The following LATS1 variants were observed in gnomAD, a reference collection of about 807,000 sequenced individuals.
LATS1 encodes large tumor suppressor kinase 1.
Under a neutral mutation model 106.6 loss-of-function variants are expected in LATS1, and 25 were observed. The ratio of observed to expected loss-of-function variants is 0.23; its 90% CI spans 0.17 to 0.33. The LOEUF is 0.33. Ranked by LOEUF, LATS1 falls within the 10% of genes least tolerant of loss-of-function variation. The pLI, the probability that LATS1 is intolerant of heterozygous loss-of-function variation, is 1.00. For missense variants in LATS1, 1,040 were observed against 1,382.6 expected (o/e 0.75, Z 3.93); for synonymous variants, 465 against 455.6 (o/e 1.02, Z -0.26).
chr6:149,676,741 C>A lies in LATS1; in HGVS notation c.2594-4G>T, dbSNP rs746012971. On this transcript the variant is annotated splice_polypyrimidine_tract_variant and splice_region_variant and intron_variant, in intron 5 of 7. Transcript: ENST00000543571. Reference sequence around the variant, plus strand: ...CTATCTTGCCGTGGATGGTCACCTGCACAACAAAAGAATAAGTAAATAAAG... The same window carrying A: ...CTATCTTGCCGTGGATGGTCACCTGAACAACAAAAGAATAAGTAAATAAAG... The A allele has an allele frequency of 1.2e-6, 2 of 1,606,476 alleles. No homozygotes were observed. Among genetic ancestry groups the A allele is most frequent in the Non-Finnish European group, 1.7e-6 (2 of 1,174,270 alleles).
At chr6:149,664,760 G>A (rs1012509698) in intron 7 of LATS1, among the ~76,000 whole-genome samples, 2 of 152,082 alleles carry the variant, frequency 1.3e-5, no homozygotes, top group African/African-American at 4.8e-5. Context: ...TCACTATGTT[G>A]TCCACGCTGG....
intron 3 of LATS1, 32 bp from the exon 4 acceptor site, chr6:149,684,624 G>A (rs369802602): frequency 1.4e-6 from 2 of 1,458,018 alleles, no homozygotes; most frequent in African/African-American, 2.8e-5. Context: ...AGAGAAAAAA[G>A]AATCATGTTT....
intron 2 of LATS1, among the ~76,000 whole-genome samples, chr6:149,699,041 C>T (rs1783282970): frequency 7.2e-6 from 1 of 138,910 alleles, no homozygotes; most frequent in Non-Finnish European, 1.5e-5. Flanking sequence ...TTTACAGGGT[C>T]ACCAGAAACA....
At chr6:149,712,946 G>A (rs772951356) in intron 1 of LATS1, among the ~76,000 whole-genome samples, 7 of 152,098 alleles carry the variant, frequency 4.6e-5, no homozygotes, top group Non-Finnish European at 8.8e-5. Flanking sequence ...AGTGAGCTGT[G>A]ATTGTGCCAC....
intron 7 of LATS1, among the ~76,000 whole-genome samples, chr6:149,670,778 GTT>G (rs1781406367): frequency 6.6e-6 from 1 of 151,916 alleles, no homozygotes; most frequent in South Asian, 2.1e-4. Context: ...TGGGTTATTT[GTT>G]TCCTTACTGT....
intron 4 of LATS1, among the ~76,000 whole-genome samples, chr6:149,682,237 A>G (rs1782077645): frequency 6.6e-6 from 1 of 152,152 alleles, no homozygotes; most frequent in Non-Finnish European, 1.5e-5. Context: ...AAATAATTTT[A>G]GCACATTTTT....
At chr6:149,670,171 C>CAAAAAAAAAAAAAAAA (rs1177166262) in intron 7 of LATS1, among the ~76,000 whole-genome samples, 2 of 31,646 alleles carry the variant, frequency 6.3e-5, no homozygotes, top group Non-Finnish European at 1.5e-4. Context: ...AATTGCATCT[C>CAAAAAAAAAAAAAAAA]AAAAAAAAAA....
intron 1 of LATS1, among the ~76,000 whole-genome samples, chr6:149,717,191 T>C (rs1436735672): frequency 1.3e-5 from 2 of 152,212 alleles, no homozygotes; most frequent in Non-Finnish European, 2.9e-5. Context: ...CCCTTAGAAA[T>C]TGACAGAGAA....
chr6:149,667,762 C>T (rs1017093544), intron 7 of LATS1, among the ~76,000 whole-genome samples: 14 of 151,880 alleles, frequency 9.2e-5, no homozygotes, highest in South Asian at 2.1e-4. Flanking sequence ...ATCATAATTA[C>T]GATACAGAAA....
intron 1 of LATS1, among the ~76,000 whole-genome samples, chr6:149,715,543 A>G (rs1562363759): frequency 6.6e-6 from 1 of 152,206 alleles, no homozygotes; most frequent in African/African-American, 2.4e-5. Context: ...ATAGTTTAAT[A>G]AAATGAACAT....
chr6:149,690,803 T>C (rs1480685077), intron 3 of LATS1, among the ~76,000 whole-genome samples: 2 of 152,206 alleles, frequency 1.3e-5, no homozygotes, highest in African/African-American at 4.8e-5. Context: ...TCTCCCAAAG[T>C]GCTGTGATCA....
intron 5 of LATS1, among the ~76,000 whole-genome samples, chr6:149,677,378 G>C (rs527917619): frequency 6.6e-6 from 1 of 152,354 alleles, no homozygotes; most frequent in South Asian, 2.1e-4. Flanking sequence ...CAGCACAGCT[G>C]ATAAAGGGGA....
chr6:149,707,679 A>C (rs1165217628), intron 1 of LATS1, among the ~76,000 whole-genome samples: 3 of 152,220 alleles, frequency 2.0e-5, no homozygotes, highest in Non-Finnish European at 4.4e-5. Flanking sequence ...CTGAAAACTT[A>C]TTTTAAGCAT....
Position 149,702,061 on chromosome 6 carries a change from G to T in LATS1, c.66C>A (p.Asn22Lys). Residue 22 changes from asparagine to lysine, a missense_variant, in exon 2 of 8, where the codon AAC becomes AAA. Asn to Lys is a moderately conservative substitution (Grantham distance 94, BLOSUM62 0). Transcript: ENST00000543571. ...QMRPKTFPAS[N>K]YTVSSRQMLQ... Reference sequence around the variant, plus strand: ...ACATTTGCCGGCTACTGACAGTATAGTTACTGGCAGGAAAGGTCTTAGGCC... The same window carrying T: ...ACATTTGCCGGCTACTGACAGTATATTTACTGGCAGGAAAGGTCTTAGGCC... 3 of 1,614,062 alleles carry T rather than the reference G, an allele frequency of 1.9e-6. No homozygotes were observed. Among genetic ancestry groups the T allele is most frequent in the South Asian group, 1.1e-5 (1 of 91,076 alleles).
In LATS1 at chr6:149,683,233, T is replaced by C. The variant is rs137927196; in HGVS notation, c.1856A>G (p.Lys619Arg). ...QITTSPITVR[K>R]NKKDEERRES... ...CCTTCGCTCTTCATCTTTCTTGTTT[T>C]TCCTAACAGTAATAGGTGAAGTTGT... The change falls in exon 4 of 8, where the codon AAA becomes AGA. Residue 619 changes from lysine (K) to arginine (R), a missense_variant. Lys to Arg is a conservative substitution (Grantham distance 26, BLOSUM62 2). Transcript: ENST00000543571. The C allele has an allele frequency of 1.6e-5, 26 of 1,613,924 alleles. No individual in the cohort carries two copies. Among genetic ancestry groups the C allele is most frequent in the Non-Finnish European group, 2.2e-5 (26 of 1,179,984 alleles).
intron 1 of LATS1, among the ~76,000 whole-genome samples, chr6:149,711,936 A>C (rs146047790): frequency 2.0e-5 from 3 of 152,214 alleles, no homozygotes; most frequent in Non-Finnish European, 4.4e-5. Context: ...GGGGAAAAGA[A>C]AAGGAAGGGA....
Position 149,683,785 on chromosome 6 carries a change from T to A in LATS1, c.1304A>T (p.Gln435Leu). The A allele has an allele frequency of 6.2e-7, 1 of 1,613,812 alleles. No homozygotes were observed. The highest frequency in any genetic ancestry group is 8.5e-7 in the Non-Finnish European group (1 of 1,180,028). The change falls in exon 4 of 8, where the codon CAG becomes CTG. Residue 435 changes from glutamine (Q) to leucine (L), a missense_variant. Transcript: ENST00000543571. ...SVPGLQTNWPQSSSAPAQSSP... is the reference protein window; with the variant it reads ...SVPGLQTNWPLSSSAPAQSSP... ...TGACTGGGCTGGAGCAGAAGATGAC[T>A]GAGGCCAATTTGTTTGCAGTCCAGG...
At chr6:149,701,006 C>A (rs541970035) in intron 2 of LATS1, among the ~76,000 whole-genome samples, 10 of 152,342 alleles carry the variant, frequency 6.6e-5, no homozygotes, top group African/African-American at 2.4e-4. Context: ...TGGTCTGGAA[C>A]TCTTGACCTC....
At chr6:149,704,482 GTTTTTTTTTTGT>G (rs1783641115) in intron 1 of LATS1, among the ~76,000 whole-genome samples, 1 of 136,586 alleles carries the variant, frequency 7.3e-6, no homozygotes, top group Non-Finnish European at 1.6e-5. Flanking sequence ...AAACTTAGGG[GTTTTTTTTTTGT>G]TTTTTTTTTT....
Sources: gnomAD v4.1 joint callset for allele counts (sites outside exome capture counted in the v4.1 genomes callset) on GRCh38, gnomAD v4.1.1 for gene constraint, MANE v1.5 for transcripts, NCBI Gene and HGNC (gene_info 2026-07-23, HGNC 2026-07-21) for gene names.